Variants in IRAK1BP1 observed in about 807,000 individuals in gnomAD.
IRAK1BP1 encodes the protein interleukin 1 receptor associated kinase 1 binding protein 1.
IRAK1BP1 carries 24 observed loss-of-function variants against 28.0 expected under a neutral mutation model. That is an observed-to-expected ratio of 0.86 (90% CI 0.62 to 1.20). The LOEUF is 1.20. Ranked by LOEUF, IRAK1BP1 falls within the 50% of genes most tolerant of loss-of-function variation. The pLI, the probability that IRAK1BP1 is intolerant of heterozygous loss-of-function variation, is 0.00. For synonymous variants in IRAK1BP1, 131 were observed against 116.3 expected, an observed-to-expected ratio of 1.13 and a Z score of -0.81; for missense variants, 336 against 316.7, an observed-to-expected ratio of 1.06 and a Z score of -0.46.
the IRAK1BP1 span, chr6:78,969,855 T>C: frequency 1.1e-5 from 18 of 1,578,964 alleles, no homozygotes; most frequent in Non-Finnish European, 1.6e-5. Flanking sequence ...TCGCCTGTAT[T>C]TTGCATCATC....
At chr6:78,960,817 A>G in the IRAK1BP1 span, among the ~76,000 whole-genome samples, 2 of 152,120 alleles carry the variant, frequency 1.3e-5, no homozygotes, top group African/African-American at 4.8e-5. Context: ...ACAGAAATAA[A>G]ATTTAAGTCA....
chr6:78,914,203 C>G (rs1021338838), intron 4 of IRAK1BP1, among the ~76,000 whole-genome samples: 1 of 151,948 alleles, frequency 6.6e-6, no homozygotes, highest in Non-Finnish European at 1.5e-5. Context: ...AATCTTAAAA[C>G]TGGAGAAAAA....
At chr6:78,978,750 A>G in the IRAK1BP1 span, 1 of 1,509,364 alleles carries the variant, frequency 6.6e-7, no homozygotes, top group Non-Finnish European at 9.1e-7. Context: ...GTAATAATCA[A>G]AAAAGCATTA....
intron 2 of IRAK1BP1, among the ~76,000 whole-genome samples, chr6:78,891,956 A>G (rs1771679775): frequency 6.6e-6 from 1 of 152,094 alleles, no homozygotes; most frequent in Non-Finnish European, 1.5e-5. Flanking sequence ...ATTGTGAAAT[A>G]TTTTATACAT....
intron 1 of IRAK1BP1, among the ~76,000 whole-genome samples, chr6:78,870,288 T>A (rs900689070): frequency 3.3e-5 from 5 of 151,980 alleles, no homozygotes; most frequent in Non-Finnish European, 7.4e-5. Context: ...AAATTCACCT[T>A]CTTGGCATTC....
intron 2 of IRAK1BP1, among the ~76,000 whole-genome samples, chr6:78,894,853 A>G (rs1409288761): frequency 6.6e-6 from 1 of 152,210 alleles, no homozygotes; most frequent in Non-Finnish European, 1.5e-5. Context: ...TCACACCTGT[A>G]ATCCCAGCAC....
At chr6:78,874,501 C>T (rs1562074941) in intron 1 of IRAK1BP1, among the ~76,000 whole-genome samples, 1 of 152,156 alleles carries the variant, frequency 6.6e-6, no homozygotes, top group Non-Finnish European at 1.5e-5. Flanking sequence ...TTGTTACGGT[C>T]CTGTGCCAGT....
chr6:78,961,428 G>A, the IRAK1BP1 span, among the ~76,000 whole-genome samples: 3,057 of 151,980 alleles, frequency 0.02, 52 homozygotes, highest in Admixed American at 0.065. Context: ...CAGCCTCTAG[G>A]AAAAACTGTA....
chr6:78,921,938 A>T (rs946126267), intron 4 of IRAK1BP1, among the ~76,000 whole-genome samples: 1 of 152,182 alleles, frequency 6.6e-6, no homozygotes, highest in African/African-American at 2.4e-5. Context: ...CACCATCATC[A>T]AACACCAAAG....
At chr6:78,886,098 G>T (rs930229229) in intron 2 of IRAK1BP1, among the ~76,000 whole-genome samples, 1 of 152,154 alleles carries the variant, frequency 6.6e-6, no homozygotes, top group African/African-American at 2.4e-5. Flanking sequence ...AAGAAACGAA[G>T]AGTGGGTTTA....
chr6:78,920,356 C>G (rs1285112486), intron 4 of IRAK1BP1, among the ~76,000 whole-genome samples: 1 of 152,010 alleles, frequency 6.6e-6, no homozygotes, highest in Non-Finnish European at 1.5e-5. Flanking sequence ...AGAAAAAACC[C>G]AAAGGAATCA....
intron 4 of IRAK1BP1, chr6:78,939,645 G>A (rs569113583): frequency 1.1e-4 from 16 of 151,872 alleles, no homozygotes; most frequent in South Asian, 4.1e-4. Context: ...ACACAGACAC[G>A]TTTCTTTGTA....
chr6:78,936,462 TTAAAG>T lies in IRAK1BP1; in HGVS notation c.*68-8942_*68-8938del, dbSNP rs1773275216. The T allele has an allele frequency of 2.6e-5, 4 of 151,998 alleles. No individual in the cohort carries two copies. The South Asian group carries it at 8.3e-4, about 31-fold the overall frequency. The allele number at this position is 151,998 out of a possible 1,614,324, so 9.4% of individuals were successfully genotyped here. A position where few individuals can be genotyped will look rare whatever the true frequency, so the allele number is the denominator to read the frequency against. On this transcript the variant is annotated intron_variant and NMD_transcript_variant, in intron 4 of 4. Coordinates refer to the IRAK1BP1 transcript ENST00000606868. The stretch of plus-strand genomic sequence containing the variant: ...TTGTGACTAATCAACACACACAATC[TTAAAG>T]TAACCAGCATGTGTGCATCTGCCTT...
At chr6:78,965,148 C>A in the IRAK1BP1 span, among the ~76,000 whole-genome samples, 1 of 152,156 alleles carries the variant, frequency 6.6e-6, no homozygotes, top group Admixed American at 6.5e-5. Flanking sequence ...CTTCATTGAG[C>A]TCTTATATGT....
Position 78,898,498 on chromosome 6 carries a change from T to C in IRAK1BP1, c.*164T>C, listed in dbSNP as rs1771986360. On this transcript the variant is annotated 3_prime_UTR_variant, in exon 4 of 4. Coordinates refer to ENST00000369940, the MANE Select transcript of IRAK1BP1 (RefSeq NM_001010844.4). ...AAAATCTATAAATCTTTGAATATAG[T>C]CCCACAGAATACTTATGTTCACTTT... 6.9e-6 allele frequency: 1 copy of C among 145,384 alleles called. No individual in the cohort carries two copies. The allele number at this position is 145,384 out of a possible 1,614,324, so 9.0% of individuals were successfully genotyped here.
chr6:78,871,257 G>C, intron 1 of IRAK1BP1: 1 of 984,942 alleles, frequency 1.0e-6, no homozygotes, highest in Non-Finnish European at 1.2e-6. Context: ...ACAATGTCTG[G>C]TCCTCCCTCA....
At chr6:78,958,317 A>G in the IRAK1BP1 span, 1 of 493,478 alleles carries the variant, frequency 2.0e-6, no homozygotes, top group Non-Finnish European at 3.6e-6. Context: ...ATCAAACCAG[A>G]GACCTTTAGA....
chr6:78,971,071 C>G, the IRAK1BP1 span, among the ~76,000 whole-genome samples: 2 of 152,088 alleles, frequency 1.3e-5, no homozygotes, highest in East Asian at 3.9e-4. Flanking sequence ...CCAAAGTGTT[C>G]TAAATAACAT....
At chr6:78,870,109 CAAAAAAAA>C (rs70977749) in intron 1 of IRAK1BP1, among the ~76,000 whole-genome samples, 1 of 41,536 alleles carries the variant, frequency 2.4e-5, no homozygotes, top group Non-Finnish European at 3.9e-5. Flanking sequence ...AACTCCGTCC[CAAAAAAAA>C]AAAAAAAAAA....
Sources: gnomAD v4.1 joint callset for allele counts (sites outside exome capture counted in the v4.1 genomes callset) on GRCh38, gnomAD v4.1.1 for gene constraint, MANE v1.5 for transcripts, NCBI Gene and HGNC (gene_info 2026-07-23, HGNC 2026-07-21) for gene names.